Variants in PEBP4 observed in about 807,000 individuals in gnomAD.
PEBP4 encodes phosphatidylethanolamine-binding protein 4.
Under a neutral mutation model 23.9 loss-of-function variants are expected in PEBP4, and 22 were observed. The ratio of observed to expected loss-of-function variants is 0.92; its 90% CI spans 0.66 to 1.31. The LOEUF (loss-of-function observed/expected upper bound fraction) is 1.31, where lower values mean the gene tolerates loss of function less well. PEBP4 is among the 40% of genes most tolerant of loss of function. The probability of loss-of-function intolerance (pLI) is 0.00; values close to 1 mark genes in which losing one functional copy is unlikely to be tolerated. For synonymous variants in PEBP4, 112 were observed against 99.3 expected (o/e 1.13, Z -0.76); for missense variants, 324 against 281.7 (o/e 1.15, Z -1.07).
chr8:22,908,830 C>G (rs1808872479), intron 3 of PEBP4, among the ~76,000 whole-genome samples: 2 of 152,336 alleles, frequency 1.3e-5, no homozygotes, highest in East Asian at 3.9e-4. Context: ...GAGGCACGCT[C>G]AGTGCTGGGC....
chr8:22,842,054 AAC>A (rs1807340078), intron 3 of PEBP4, among the ~76,000 whole-genome samples: 2 of 152,378 alleles, frequency 1.3e-5, no homozygotes, highest in African/African-American at 2.4e-5. Context: ...CAAATGTTCA[AAC>A]ACAGTCTTGG....
intron 3 of PEBP4, among the ~76,000 whole-genome samples, chr8:22,915,185 A>G (rs1462644413): frequency 1.3e-5 from 2 of 152,056 alleles, no homozygotes; most frequent in African/African-American, 4.8e-5. Flanking sequence ...CTTGCCTTCA[A>G]TCTTACCTTT....
chr8:22,746,294 G>A (rs1033424426), intron 4 of PEBP4, among the ~76,000 whole-genome samples: 8 of 152,108 alleles, frequency 5.3e-5, no homozygotes, highest in Non-Finnish European at 1.2e-4. Flanking sequence ...GAGAGCTCTG[G>A]GTACAAGGGC....
chr8:22,741,661 G>A (rs927680302), intron 4 of PEBP4, among the ~76,000 whole-genome samples: 2 of 152,164 alleles, frequency 1.3e-5, no homozygotes, highest in Admixed American at 6.5e-5. Flanking sequence ...GTGGCTGTCT[G>A]TTAAGGGCCG....
intron 4 of PEBP4, among the ~76,000 whole-genome samples, chr8:22,770,216 A>T (rs1252012063): frequency 1.3e-5 from 2 of 152,162 alleles, no homozygotes; most frequent in Non-Finnish European, 2.9e-5. Context: ...AAGCTCTGGG[A>T]CTGGGTCAGT....
chr8:22,864,497 G>A (rs1431943571), intron 3 of PEBP4, among the ~76,000 whole-genome samples: 1 of 152,168 alleles, frequency 6.6e-6, no homozygotes, highest in Non-Finnish European at 1.5e-5. Flanking sequence ...CATAGGAGAC[G>A]AGGGGTTCTG....
chr8:22,886,962 T>C (rs900530447), intron 3 of PEBP4: 2 of 152,170 alleles, frequency 1.3e-5, no homozygotes, highest in African/African-American at 4.8e-5. Flanking sequence ...AAAGCAAAGT[T>C]GCAGGGTGTA....
At chr8:22,917,853 T>C (rs560190450) in intron 3 of PEBP4, among the ~76,000 whole-genome samples, 1 of 152,060 alleles carries the variant, frequency 6.6e-6, no homozygotes, top group Non-Finnish European at 1.5e-5. Context: ...GACAAATTGG[T>C]CAAACACAAA....
At chr8:22,748,833 G>A (rs1277518672) in intron 4 of PEBP4, among the ~76,000 whole-genome samples, 1 of 152,196 alleles carries the variant, frequency 6.6e-6, no homozygotes, top group Admixed American at 6.5e-5. Flanking sequence ...GAACAGGAGA[G>A]GCCTCCACGA....
chr8:22,875,854 C>T (rs935981232), intron 3 of PEBP4, among the ~76,000 whole-genome samples: 2 of 152,036 alleles, frequency 1.3e-5, no homozygotes, highest in African/African-American at 2.4e-5. Flanking sequence ...TTCCTTCTAC[C>T]GGCAATGCTC....
intron 4 of PEBP4, among the ~76,000 whole-genome samples, chr8:22,794,014 G>T (rs960162689): frequency 1.3e-5 from 2 of 152,100 alleles, no homozygotes; most frequent in African/African-American, 2.4e-5. Flanking sequence ...GGCCACAGTT[G>T]GGGAGGGGTA....
rs574055891 is a variant in PEBP4 at position 22,787,087 on chromosome 8, G to A, written c.357+30550C>T. Among the ~76,000 whole-genome samples, 11 of 152,342 alleles carry A rather than the reference G, an allele frequency of 7.2e-5. No individual in the cohort carries two copies. In the South Asian group the frequency reaches 2.3e-3, roughly 32 times the overall value. ...ATCTTCCTGCCTCGGCTTCCCAAGA[G>A]TGCTGGGATTACAGGCGTAAGCCAC... On this transcript the variant is annotated intron_variant, in intron 4 of 6. Transcript: ENST00000256404.
In PEBP4 at chr8:22,755,438, C is replaced by T. The variant is rs567622832; in HGVS notation, c.358-28218G>A. On this transcript the variant is annotated intron_variant, in intron 4 of 6. Transcript: ENST00000256404. Reference sequence around the variant, plus strand: ...GCAACCTCTGCTTTCCGGGTTCAAGCGTTTCTCCTGCCTCAGCCTCCTGAG... The same window carrying T: ...GCAACCTCTGCTTTCCGGGTTCAAGTGTTTCTCCTGCCTCAGCCTCCTGAG... 1.4e-4 allele frequency among the ~76,000 whole-genome samples: 20 copies of T among 147,346 alleles called. No individual in the cohort carries two copies. The East Asian group carries it at 2.7e-3, about 20-fold the overall frequency.
intron 3 of PEBP4, among the ~76,000 whole-genome samples, chr8:22,846,956 G>A (rs2128766656): frequency 6.6e-6 from 1 of 152,184 alleles, no homozygotes; most frequent in East Asian, 1.9e-4. Context: ...GAGCCCAAGA[G>A]TTTGAAACCA....
At chr8:22,932,136 C>T (rs1003780666), upstream of PEBP4, among the ~76,000 whole-genome samples, 1 of 152,088 alleles carries the variant, frequency 6.6e-6, no homozygotes, top group Non-Finnish European at 1.5e-5. Flanking sequence ...AGCAGCCAGT[C>T]GCAAAAGAGG....
chr8:22,906,891 G>C (rs115360958), intron 3 of PEBP4, among the ~76,000 whole-genome samples: 1 of 152,000 alleles, frequency 6.6e-6, no homozygotes, highest in East Asian at 1.9e-4. Flanking sequence ...AGCAAAAAAC[G>C]TAAAAAAAAG....
intron 1 of PEBP4, among the ~76,000 whole-genome samples, chr8:22,939,696 G>A (rs1379688939): frequency 6.6e-6 from 1 of 151,840 alleles, no homozygotes; most frequent in Non-Finnish European, 1.5e-5. Context: ...CTGGCAAAGA[G>A]AGCTCCAGGG....
rs557703434 is a variant in PEBP4 at position 22,747,967 on chromosome 8, C to T, written c.358-20747G>A. ...TCCTGGCGCTGGAGGAGAGGTTCGT[C>T]CCAGCCTGGGTGGAGAGCGGAGGAA... On this transcript the variant is annotated intron_variant, in intron 4 of 6. Coordinates refer to ENST00000256404, the MANE Select transcript of PEBP4 (RefSeq NM_144962.3). Among the ~76,000 whole-genome samples, 8 of 152,322 alleles carry T rather than the reference C, an allele frequency of 5.3e-5. No individual in the cohort carries two copies. In the South Asian group the frequency reaches 1.7e-3, roughly 32 times the overall value.
chr8:22,915,639 T>C (rs763332402), intron 3 of PEBP4, among the ~76,000 whole-genome samples: 4 of 152,184 alleles, frequency 2.6e-5, no homozygotes, highest in Non-Finnish European at 4.4e-5. Context: ...CAACACCAAA[T>C]AGTCCATGGC....
Sources: gnomAD v4.1 joint callset for allele counts (sites outside exome capture counted in the v4.1 genomes callset) on GRCh38, gnomAD v4.1.1 for gene constraint, MANE v1.5 for transcripts, NCBI Gene and HGNC (gene_info 2026-07-23, HGNC 2026-07-21) for gene names.